GRM1: variants seen among roughly 807,000 people sequenced by gnomAD.
The protein encoded by GRM1 is glutamate metabotropic receptor 1.
Under a neutral mutation model 90.9 loss-of-function variants are expected in GRM1, and 33 were observed. The observed-to-expected ratio is 0.36, with a 90% CI of 0.28 to 0.49. GRM1 has a LOEUF of 0.49. GRM1 is among the 20% of genes least tolerant of loss of function. GRM1 has a pLI of 0.99. For missense variants in GRM1, 1,190 were observed against 1,534.3 expected (o/e 0.78, Z 3.75); for synonymous variants, 700 against 613.2 (o/e 1.14, Z -2.09).
At chr6:146,220,339 AT>A (rs1366290297) in intron 2 of GRM1, among the ~76,000 whole-genome samples, 2 of 152,028 alleles carry the variant, frequency 1.3e-5, no homozygotes, top group Non-Finnish European at 2.9e-5. Flanking sequence ...TTTTTAAGAA[AT>A]TTTTTTCACA....
chr6:146,409,008 A>G (rs1777460968), intron 7 of GRM1, among the ~76,000 whole-genome samples: 1 of 152,224 alleles, frequency 6.6e-6, no homozygotes, highest in African/African-American at 2.4e-5. Flanking sequence ...CTAAAGGGTC[A>G]TTAATTAGAA....
chr6:146,187,499 T>A (rs1241945917), intron 2 of GRM1, among the ~76,000 whole-genome samples: 1 of 151,984 alleles, frequency 6.6e-6, no homozygotes, highest in East Asian at 1.9e-4. Flanking sequence ...TAAGGCACAT[T>A]TATAAAGATG....
intron 1 of GRM1, among the ~76,000 whole-genome samples, chr6:146,140,540 A>T (rs1776835766): frequency 6.6e-6 from 1 of 152,154 alleles, no homozygotes; most frequent in Admixed American, 6.5e-5. Flanking sequence ...AAATTCTGGG[A>T]TTATAGGCAT....
intron 6 of GRM1, among the ~76,000 whole-genome samples, chr6:146,394,478 T>G (rs1377457491): frequency 6.6e-6 from 1 of 152,154 alleles, no homozygotes; most frequent in East Asian, 1.9e-4. Flanking sequence ...ATATGGTTAT[T>G]AGCATGCTCC....
At chr6:146,196,163 T>A (rs1779108798) in intron 2 of GRM1, among the ~76,000 whole-genome samples, 1 of 152,216 alleles carries the variant, frequency 6.6e-6, no homozygotes, top group Non-Finnish European at 1.5e-5. Flanking sequence ...TTTTAAGTGA[T>A]GGGTAATTAT....
intron 1 of GRM1, among the ~76,000 whole-genome samples, chr6:146,154,804 A>G (rs1179374089): frequency 1.3e-5 from 2 of 152,218 alleles, no homozygotes; most frequent in Non-Finnish European, 2.9e-5. Flanking sequence ...TTGTGCACCA[A>G]AAGTTAGAAC....
chr6:146,270,974 T>C lies in GRM1; in HGVS notation c.951-33637T>C, dbSNP rs549531632. Reference sequence around the variant, plus strand: ...CTTCCTTTCTTTCTTTCTTTTTTTTTTCTCTCTCTCTCTTTCTTTCCTTCT... The same window carrying C: ...CTTCCTTTCTTTCTTTCTTTTTTTTCTCTCTCTCTCTCTTTCTTTCCTTCT... On this transcript the variant is annotated intron_variant, in intron 2 of 7. Coordinates refer to ENST00000282753, the MANE Select transcript of GRM1 (RefSeq NM_001278064.2). Among the ~76,000 whole-genome samples the C allele has an allele frequency of 4.0e-3, 561 of 139,750 alleles. 23 individuals carry two copies. The highest frequency in any genetic ancestry group is 0.016 in the African/African-American group (519 of 33,000). The allele number at this position is 139,750 out of a possible 152,430, so 91.7% of individuals were successfully genotyped here. A position where few individuals can be genotyped will look rare whatever the true frequency, so the allele number is the denominator to read the frequency against.
At chr6:146,386,079 T>G (rs991952571) in intron 5 of GRM1, among the ~76,000 whole-genome samples, 1 of 152,086 alleles carries the variant, frequency 6.6e-6, no homozygotes, top group Non-Finnish European at 1.5e-5. Flanking sequence ...TAAATGTAAA[T>G]GTACTAAACA....
intron 2 of GRM1, among the ~76,000 whole-genome samples, chr6:146,295,057 C>G (rs2114897581): frequency 6.6e-6 from 1 of 152,040 alleles, no homozygotes; most frequent in South Asian, 2.1e-4. Flanking sequence ...TTATCTTGCG[C>G]TTGCTGTTTG....
chr6:146,237,620 T>A (rs1201518541), intron 2 of GRM1, among the ~76,000 whole-genome samples: 1 of 152,100 alleles, frequency 6.6e-6, no homozygotes, highest in Admixed American at 6.6e-5. Flanking sequence ...GATATCCAGA[T>A]AAAAGGAGGA....
chr6:146,208,726 C>G (rs1779577755), intron 2 of GRM1, among the ~76,000 whole-genome samples: 1 of 152,040 alleles, frequency 6.6e-6, no homozygotes, highest in South Asian at 2.1e-4. Context: ...ACAAATAGTT[C>G]TCCCTAGAAG....
At chr6:146,112,635 A>G (rs927526578) in intron 1 of GRM1, among the ~76,000 whole-genome samples, 2 of 152,182 alleles carry the variant, frequency 1.3e-5, no homozygotes, top group African/African-American at 4.8e-5. Flanking sequence ...GTTTCTATGC[A>G]TAAGAAGTAG....
chr6:146,413,316 C>T (rs1187984215), intron 7 of GRM1, among the ~76,000 whole-genome samples: 1 of 151,880 alleles, frequency 6.6e-6, no homozygotes, highest in East Asian at 1.9e-4. Context: ...TTTTCTTTTT[C>T]TATAAAGTCT....
At chr6:146,131,278 A>C (rs1038911136) in intron 1 of GRM1, among the ~76,000 whole-genome samples, 1 of 151,788 alleles carries the variant, frequency 6.6e-6, no homozygotes, top group Admixed American at 6.6e-5. Context: ...ACTTTTTTTC[A>C]TTTGCTTTAT....
intron 7 of GRM1, among the ~76,000 whole-genome samples, chr6:146,408,849 G>A (rs1213215881): frequency 6.6e-6 from 1 of 152,120 alleles, no homozygotes; most frequent in Non-Finnish European, 1.5e-5. Flanking sequence ...AGTGTCCAGT[G>A]TAAAGTGTTA....
Position 146,434,937 on chromosome 6 carries a change from C to T in GRM1, c.*141C>T. On this transcript the variant is annotated 3_prime_UTR_variant, in exon 8 of 8. Transcript: ENST00000282753. The stretch of plus-strand genomic sequence containing the variant: ...GAGACCGCTGCTGCTGCTGCCGCTA[C>T]TGCTGCTGCTGCCTTAAGTAGGAAG... 1.3e-6 allele frequency: 1 copy of T among 744,144 alleles called. No homozygotes were observed. The highest frequency in any genetic ancestry group is 1.5e-5 in the South Asian group (1 of 68,150). The allele number at this position is 744,144 out of a possible 1,614,324, so 46.1% of individuals were successfully genotyped here. A position where few individuals can be genotyped will look rare whatever the true frequency, so the allele number is the denominator to read the frequency against.
chr6:146,028,867 A>G (rs1237782094), upstream of GRM1, among the ~76,000 whole-genome samples: 1 of 152,162 alleles, frequency 6.6e-6, no homozygotes, highest in Non-Finnish European at 1.5e-5. Context: ...GGGTTGAAGG[A>G]CCTAGCTCCT....
chr6:146,171,680 C>A, intron 2 of GRM1: 1 of 289,926 alleles, frequency 3.4e-6, no homozygotes, highest in Non-Finnish European at 7.2e-6. Context: ...CTGGCAACAA[C>A]TAGAGGAGGA....
At chr6:146,203,390 AT>A (rs1779388123) in intron 2 of GRM1, among the ~76,000 whole-genome samples, 1 of 152,034 alleles carries the variant, frequency 6.6e-6, no homozygotes, top group Admixed American at 6.6e-5. Flanking sequence ...CCACCAGGGC[AT>A]TAGAGTCCTC....
Sources: gnomAD v4.1 joint callset for allele counts (sites outside exome capture counted in the v4.1 genomes callset) on GRCh38, gnomAD v4.1.1 for gene constraint, MANE v1.5 for transcripts, NCBI Gene and HGNC (gene_info 2026-07-23, HGNC 2026-07-21) for gene names.